The following SOX30 variants were observed in gnomAD, a reference collection of about 807,000 sequenced individuals.
The protein encoded by SOX30 is transcription factor SOX-30.
Under a neutral mutation model 58.6 loss-of-function variants are expected in SOX30, and 17 were observed. That is an observed-to-expected ratio of 0.29 (90% CI 0.20 to 0.44). The LOEUF (loss-of-function observed/expected upper bound fraction) is 0.44. SOX30 is among the 20% of genes least tolerant of loss of function. The pLI is 1.00. For synonymous variants in SOX30, 421 were observed against 400.2 expected, an observed-to-expected ratio of 1.05 and a Z score of -0.62; for missense variants, 951 against 965.8, an observed-to-expected ratio of 0.98 and a Z score of 0.20.
intron 4 of SOX30, among the ~76,000 whole-genome samples, chr5:157,636,843 C>A (rs1295928013): frequency 6.6e-6 from 1 of 152,040 alleles, no homozygotes; most frequent in African/African-American, 2.4e-5. Flanking sequence ...AAAGTAAAGG[C>A]TAGGCCGGGA....
chr5:157,637,007 C>T (rs1214092255), intron 4 of SOX30, among the ~76,000 whole-genome samples: 1 of 152,012 alleles, frequency 6.6e-6, no homozygotes, highest in African/African-American at 2.4e-5. Flanking sequence ...GTGACGCATG[C>T]CTGTAATCCC....
At chr5:157,628,469 C>G (rs944332836) in intron 4 of SOX30, among the ~76,000 whole-genome samples, 2 of 151,874 alleles carry the variant, frequency 1.3e-5, no homozygotes, top group Non-Finnish European at 2.9e-5. Context: ...AGACTATTAT[C>G]TCAAACTCTG....
At position 157,652,144 on chromosome 5, in the gene SOX30, C is replaced by A. The variant is rs188639331; in HGVS notation, c.-66G>T. The A allele has an allele frequency of 1.9e-4, 259 of 1,380,992 alleles. No individual in the cohort carries two copies. Among genetic ancestry groups the A allele is most frequent in the African/African-American group, 4.4e-4 (29 of 65,322 alleles). The allele number at this position is 1,380,992 out of a possible 1,614,324, so 85.5% of individuals were successfully genotyped here. Reference sequence around the variant, plus strand: ...GTTTGTTGGCGACCTTCCCCCTCCCCCTTTCGGTTAAGAGCCTTGCAAGGC... The same window carrying A: ...GTTTGTTGGCGACCTTCCCCCTCCCACTTTCGGTTAAGAGCCTTGCAAGGC... On this transcript the variant is annotated 5_prime_UTR_variant, in exon 1 of 5. Transcript: ENST00000265007.
In SOX30 at chr5:157,626,359, T is replaced by C; in HGVS notation, c.2243A>G (p.Lys748Arg). 6.2e-7 allele frequency: 1 copy of C among 1,608,060 alleles called. No homozygotes were observed. The highest frequency in any genetic ancestry group is 1.1e-5 in the South Asian group (1 of 89,530). The change falls in exon 5 of 5, where the codon AAA (lysine) becomes AGA (arginine). Residue 748 changes from lysine to arginine, a missense_variant. By Grantham distance (26) the Lys-to-Arg change is conservative (BLOSUM62 2). Coordinates refer to ENST00000265007, the MANE Select transcript of SOX30 (RefSeq NM_178424.2). ...VTDSDEEEEE[K>R]VLRDL The stretch of plus-strand genomic sequence containing the variant: ...TTAAAATTATAAATCCCTGAGCACT[T>C]TTTCTTCTTCCTCCTCATCACTGTC...
intron 4 of SOX30, among the ~76,000 whole-genome samples, chr5:157,634,370 C>T (rs879332862): frequency 6.6e-5 from 10 of 152,032 alleles, no homozygotes; most frequent in Non-Finnish European, 1.0e-4. Flanking sequence ...CATGCCACCA[C>T]GACCAGCTAA....
chr5:157,651,282 G>C lies in SOX30; in HGVS notation c.797C>G (p.Thr266Arg), dbSNP rs200619263. The change falls in exon 1 of 5, where the codon ACG becomes AGG. Residue 266 changes from threonine to arginine, a missense_variant. Thr to Arg is a moderately conservative substitution (Grantham distance 71). Transcript: ENST00000265007. ...QDLRIPLTLH[T>R]VPPGARIQFQ... ...CTGGATCCGGGCCCCAGGGGGGACC[G>C]TGTGGAGCGTCAAAGGGATCCTAAG... 148 of 1,614,034 alleles carry C rather than the reference G, an allele frequency of 9.2e-5. No homozygotes were observed. Among genetic ancestry groups the C allele is most frequent in the Non-Finnish European group, 1.2e-4 (138 of 1,180,050 alleles).
In SOX30 at chr5:157,626,181, T is replaced by G; in HGVS notation, c.*159A>C. ...AACATCCAGACTCTAGTTTCACTAATCAAAATTTTATGAAGACATAAATTG... is the reference window on the plus strand; with the variant it reads ...AACATCCAGACTCTAGTTTCACTAAGCAAAATTTTATGAAGACATAAATTG... On this transcript the variant is annotated 3_prime_UTR_variant, in exon 5 of 5. Transcript: ENST00000265007. The G allele has an allele frequency of 1.7e-6, 1 of 596,612 alleles. No homozygotes were observed. 37.0% of individuals were successfully genotyped at this position (596,612 alleles called of 1,614,324 possible).
chr5:157,671,336 C>T (rs1357309694), exon 1 of SOX30: 1 of 489,194 alleles, frequency 2.0e-6, no homozygotes, highest in African/African-American at 2.0e-5. Context: ...TCACCGCACC[C>T]CACTTCTTCC....
chr5:157,646,536 G>A (rs1759197471), intron 3 of SOX30, 101 bp downstream of exon 3: 1 of 848,554 alleles, frequency 1.2e-6, no homozygotes, highest in Non-Finnish European at 1.8e-6. Context: ...TAACATTGTT[G>A]TTCCAAATTC....
intron 2 of SOX30, among the ~76,000 whole-genome samples, chr5:157,662,957 G>A (rs1202484395): frequency 1.3e-5 from 2 of 152,228 alleles, no homozygotes; most frequent in Non-Finnish European, 2.9e-5. Flanking sequence ...TGAAATTGAG[G>A]CAATAATTAA....
rs1331528526 is a variant in SOX30, at chr5:157,647,027, T to C, written c.1208-211A>G. Reference sequence around the variant, plus strand: ...CAAATAGCTCCTGACTAGTGGCCAATGTTATAACTCATCATTGAAAAGAAG... The same window carrying C: ...CAAATAGCTCCTGACTAGTGGCCAACGTTATAACTCATCATTGAAAAGAAG... On this transcript the variant is annotated intron_variant, in intron 2 of 4. Transcript: ENST00000265007. Among the ~76,000 whole-genome samples the C allele has an allele frequency of 2.6e-5, 4 of 152,004 alleles. No individual in the cohort carries two copies. In the East Asian group the frequency reaches 7.7e-4, roughly 29 times the overall value.
In SOX30 at chr5:157,626,418, T is replaced by G. The variant is rs1758655467; in HGVS notation, c.2184A>C (p.Ser728=). Reference sequence around the variant, plus strand: ...TGACTTGCTGGATGCTAGAAGGAGTTGATGTCGGGGCTGTGAAGACATTCT... The same window carrying G: ...TGACTTGCTGGATGCTAGAAGGAGTGGATGTCGGGGCTGTGAAGACATTCT... ...TLENVFTAPT[S]TPSSIQQVNV... Residue 728 remains serine, a synonymous_variant, in exon 5 of 5, where the codon TCA becomes TCC. Transcript: ENST00000265007. The G allele has an allele frequency of 6.2e-7, 1 of 1,614,192 alleles. No homozygotes were observed. The highest frequency in any genetic ancestry group is 2.2e-5 in the East Asian group (1 of 44,882).
intron 4 of SOX30, among the ~76,000 whole-genome samples, chr5:157,634,511 G>A (rs1224473100): frequency 6.7e-6 from 1 of 150,094 alleles, no homozygotes; most frequent in Non-Finnish European, 1.5e-5. Flanking sequence ...GAGCCACCAC[G>A]CCCAGCCAAA....
In SOX30 at chr5:157,640,742, A is replaced by C. The variant is rs76821346; in HGVS notation, c.1388-2020T>G. 2.7e-3 allele frequency among the ~76,000 whole-genome samples: 415 copies of C among 152,248 alleles called. 1 individual carries two copies. The highest frequency in any genetic ancestry group is 0.015 in the South Asian group (73 of 4,828). On this transcript the variant is annotated intron_variant, in intron 3 of 4. Transcript: ENST00000265007. ...TAACCCCTAGGATTGTAATATTAAA[A>C]TCTCTAGGATTGAAATACTAAAATC...
rs1303977619 is a variant in SOX30, at chr5:157,652,038, G to A, written c.41C>T (p.Pro14Leu). Residue 14 changes from proline to leucine, a missense_variant, in exon 1 of 5, where the codon CCG becomes CTG. Coordinates refer to ENST00000265007, the MANE Select transcript of SOX30 (RefSeq NM_178424.2). ...ARPEPPPQPR[P>L]LRPAPPPLPV... Reference sequence around the variant, plus strand: ...CAGCGGGGGCGGAGCGGGACGCAACGGGCGCGGCTGAGGCGGCGGCTCGGG... The same window carrying A: ...CAGCGGGGGCGGAGCGGGACGCAACAGGCGCGGCTGAGGCGGCGGCTCGGG... The A allele has an allele frequency of 4.9e-6, 7 of 1,424,368 alleles. No homozygotes were observed. In the East Asian group the frequency reaches 1.1e-4, roughly 22 times the overall value. The allele number at this position is 1,424,368 out of a possible 1,614,324, so 88.2% of individuals were successfully genotyped here.
intron 3 of SOX30, among the ~76,000 whole-genome samples, chr5:157,646,036 T>C (rs2113845486): frequency 6.6e-6 from 1 of 150,426 alleles, no homozygotes; most frequent in African/African-American, 2.4e-5. Flanking sequence ...AAAAAAACTG[T>C]TCTGGAAAAA....
At position 157,651,565 on chromosome 5, in the gene SOX30, C is replaced by G. The variant is rs748265101; in HGVS notation, c.514G>C (p.Gly172Arg). 5 of 1,613,196 alleles carry G rather than the reference C, an allele frequency of 3.1e-6. No individual in the cohort carries two copies. The African/African-American group carries it at 5.3e-5, about 17-fold the overall frequency. ...ASRVVKLEGPGPALGYFRGDE... is the reference protein window; with the variant it reads ...ASRVVKLEGPRPALGYFRGDE... ...CCTCGGAAGTAGCCGAGGGCCGGCC[C>G]GGGGCCTTCCAACTTGACCACCCTG... Residue 172 changes from glycine to arginine, a missense_variant, in exon 1 of 5, where the codon GGG becomes CGG. By Grantham distance (125) the Gly-to-Arg change is moderately radical (BLOSUM62 -2). This residue lies in a region of SOX30 where 363 missense variants were observed against 294.5 expected (regional missense o/e 1.23). Coordinates refer to ENST00000265007, the MANE Select transcript of SOX30 (RefSeq NM_178424.2).
At chr5:157,638,797 A>G in intron 3 of SOX30, 75 bp from the exon 4 acceptor site, 1 of 1,449,014 alleles carries the variant, frequency 6.9e-7, no homozygotes, top group Non-Finnish European at 9.3e-7. Flanking sequence ...GTAAAGTTTA[A>G]TAAATTGTAT....
In SOX30 at chr5:157,633,595, T is replaced by C. The variant is rs551342299; in HGVS notation, c.1880+4635A>G. ...CTCCTCCATAAGTTTAGGCAAAAGT[T>C]TGTATATGTATGCAGATATGCATTA... On this transcript the variant is annotated intron_variant, in intron 4 of 4. Transcript: ENST00000265007. 7.6e-4 allele frequency among the ~76,000 whole-genome samples: 116 copies of C among 152,334 alleles called. 1 individual carries two copies. Among genetic ancestry groups the C allele is most frequent in the African/African-American group, 2.7e-3 (113 of 41,572 alleles).
Sources: gnomAD v4.1 joint callset for allele counts (sites outside exome capture counted in the v4.1 genomes callset) on GRCh38, gnomAD v4.1.1 for gene constraint, gnomAD v4.1.1 regional missense constraint, MANE v1.5 for transcripts, NCBI Gene and HGNC (gene_info 2026-07-23, HGNC 2026-07-21) for gene names.